Variants in LHFPL3 observed in about 807,000 individuals in gnomAD.
LHFPL3 encodes LHFPL tetraspan subfamily member 3, also known as LHFPL tetraspan subfamily member 3 protein.
LHFPL3 carries 5 observed loss-of-function variants against 19.3 expected under a neutral mutation model. The ratio of observed to expected loss-of-function variants is 0.26; its 90% CI spans 0.14 to 0.54. The LOEUF is 0.54. Among genes scored for constraint, LHFPL3 ranks in the 20% least tolerant of loss-of-function variants. The pLI is 0.94. For missense variants in LHFPL3, 249 were observed against 307.4 expected (o/e 0.81, Z 1.42); for synonymous variants, 133 against 126.2 (o/e 1.05, Z -0.36).
intron 1 of LHFPL3, among the ~76,000 whole-genome samples, chr7:104,602,229 C>CAGGCT (rs1374077232): frequency 1.3e-5 from 2 of 151,962 alleles, no homozygotes; most frequent in Non-Finnish European, 2.9e-5. Flanking sequence ...CCATGTTGGC[C>CAGGCT]AGGCTAGTCT....
At chr7:104,724,349 G>A (rs1201874971) in intron 1 of LHFPL3, among the ~76,000 whole-genome samples, 1 of 151,666 alleles carries the variant, frequency 6.6e-6, no homozygotes, top group Non-Finnish European at 1.5e-5. Flanking sequence ...CCAAGTAGGA[G>A]GAGTTCGGAT....
chr7:104,655,467 T>G (rs1792105516), intron 1 of LHFPL3, among the ~76,000 whole-genome samples: 1 of 152,232 alleles, frequency 6.6e-6, no homozygotes, highest in Admixed American at 6.5e-5. Flanking sequence ...GTATGGACGT[T>G]GGAGTAACAG....
chr7:104,641,505 G>A (rs549229778), intron 1 of LHFPL3, among the ~76,000 whole-genome samples: 88 of 152,170 alleles, frequency 5.8e-4, no homozygotes, highest in African/African-American at 2.0e-3. Flanking sequence ...TTCCATTTTC[G>A]TTAGAGGTAT....
chr7:104,812,665 G>A (rs750011902), intron 2 of LHFPL3, among the ~76,000 whole-genome samples: 15 of 151,386 alleles, frequency 9.9e-5, no homozygotes, highest in Non-Finnish European at 1.9e-4. Context: ...TTAGCCAGGC[G>A]AGGTGTCAGG....
At chr7:104,591,212 T>C (rs1224858458) in intron 1 of LHFPL3, among the ~76,000 whole-genome samples, 1 of 152,240 alleles carries the variant, frequency 6.6e-6, no homozygotes, top group African/African-American at 2.4e-5. Flanking sequence ...CTAGCCTCGA[T>C]AGTCTTTACA....
At chr7:104,735,031 C>T (rs111423035) in intron 1 of LHFPL3, among the ~76,000 whole-genome samples, 7 of 152,202 alleles carry the variant, frequency 4.6e-5, no homozygotes, top group African/African-American at 7.2e-5. Flanking sequence ...TGCAGAACAG[C>T]GGATATTGGT....
At chr7:104,588,886 A>G (rs1790642785) in intron 1 of LHFPL3, among the ~76,000 whole-genome samples, 1 of 140,430 alleles carries the variant, frequency 7.1e-6, no homozygotes, top group East Asian at 2.1e-4. Flanking sequence ...GCAATTGTGA[A>G]TGGGAATTCA....
intron 1 of LHFPL3, among the ~76,000 whole-genome samples, chr7:104,574,541 G>A (rs1450387602): frequency 6.6e-6 from 1 of 152,086 alleles, no homozygotes; most frequent in Non-Finnish European, 1.5e-5. Context: ...TAATCCTATT[G>A]GAGTCTTTAG....
At chr7:104,563,754 G>A (rs566981353) in intron 1 of LHFPL3, among the ~76,000 whole-genome samples, 1 of 152,280 alleles carries the variant, frequency 6.6e-6, no homozygotes, top group African/African-American at 2.4e-5. Context: ...CCACACACCA[G>A]ATCTGCCAGC....
At chr7:104,865,726 G>T (rs917466602) in intron 2 of LHFPL3, among the ~76,000 whole-genome samples, 1 of 152,030 alleles carries the variant, frequency 6.6e-6, no homozygotes, top group African/African-American at 2.4e-5. Context: ...TACAGAGAAT[G>T]CCACAAAGAT....
chr7:104,725,002 C>G (rs1192846934), intron 1 of LHFPL3, among the ~76,000 whole-genome samples: 2 of 152,168 alleles, frequency 1.3e-5, no homozygotes, highest in African/African-American at 4.8e-5. Flanking sequence ...CAGAAATTCT[C>G]TTTTTGTAAC....
intron 1 of LHFPL3, among the ~76,000 whole-genome samples, chr7:104,508,651 A>G (rs1365392956): frequency 6.6e-6 from 1 of 151,628 alleles, no homozygotes; most frequent in Non-Finnish European, 1.5e-5. Context: ...AAATTTATGC[A>G]TACATTAGAA....
chr7:104,380,909 C>T (rs969095326), intron 1 of LHFPL3, among the ~76,000 whole-genome samples: 9 of 152,054 alleles, frequency 5.9e-5, no homozygotes, highest in African/African-American at 1.7e-4. Context: ...TCACTGTGAA[C>T]ATTGAAATCA....
At chr7:104,519,885 T>C (rs897635163) in intron 1 of LHFPL3, among the ~76,000 whole-genome samples, 3 of 151,980 alleles carry the variant, frequency 2.0e-5, no homozygotes, top group Non-Finnish European at 4.4e-5. Flanking sequence ...AGTAGAAATG[T>C]GGTTGTCCTT....
chr7:104,630,573 C>T (rs1791622321), intron 1 of LHFPL3, among the ~76,000 whole-genome samples: 1 of 152,116 alleles, frequency 6.6e-6, no homozygotes, highest in Admixed American at 6.6e-5. Flanking sequence ...TAACTTAGCA[C>T]CATGTGATCC....
chr7:104,429,245 T>C (rs1267438781), intron 1 of LHFPL3, among the ~76,000 whole-genome samples: 1 of 151,298 alleles, frequency 6.6e-6, no homozygotes, highest in Non-Finnish European at 1.5e-5. Flanking sequence ...TAGCAATAAT[T>C]TAACCTCCTG....
chr7:104,626,148 A>G (rs1791541961), intron 1 of LHFPL3, among the ~76,000 whole-genome samples: 1 of 152,190 alleles, frequency 6.6e-6, no homozygotes, highest in Admixed American at 6.5e-5. Context: ...CAAAGTATGT[A>G]CTGGCTCCAG....
At chr7:104,593,778 C>T (rs558925571) in intron 1 of LHFPL3, among the ~76,000 whole-genome samples, 1 of 152,154 alleles carries the variant, frequency 6.6e-6, no homozygotes, top group African/African-American at 2.4e-5. Flanking sequence ...GAATTGATCC[C>T]TTTACTATTA....
At chr7:104,502,227 C>A (rs1403782041) in intron 1 of LHFPL3, among the ~76,000 whole-genome samples, 1 of 152,126 alleles carries the variant, frequency 6.6e-6, no homozygotes, top group East Asian at 1.9e-4. Flanking sequence ...CATGAGGAAG[C>A]AAAATGCAAC....
Sources: gnomAD v4.1 joint callset for allele counts (sites outside exome capture counted in the v4.1 genomes callset) on GRCh38, gnomAD v4.1.1 for gene constraint, MANE v1.5 for transcripts, NCBI Gene and HGNC (gene_info 2026-07-23, HGNC 2026-07-21) for gene names.